B4GALNT3: variants seen among roughly 807,000 people sequenced by gnomAD.
B4GALNT3 encodes the protein beta-1,4-N-acetylgalactosaminyltransferase 3.
In B4GALNT3, 86 loss-of-function variants were observed where a neutral mutation model predicts 120.2. That is an observed-to-expected ratio of 0.72 (90% CI 0.60 to 0.86). The LOEUF (loss-of-function observed/expected upper bound fraction) is 0.86. Among genes scored for constraint, B4GALNT3 ranks in the 40% least tolerant of loss-of-function variants. The probability of loss-of-function intolerance (pLI) is 0.00; values close to 1 mark genes in which losing one functional copy is unlikely to be tolerated. For synonymous variants in B4GALNT3, 518 were observed against 510.4 expected (o/e 1.01, Z -0.20); for missense variants, 1,167 against 1,298.9 (o/e 0.90, Z 1.56).
At chr12:470,230 C>T (rs1333186513) in intron 1 of B4GALNT3, among the ~76,000 whole-genome samples, 1 of 152,238 alleles carries the variant, frequency 6.6e-6, no homozygotes, top group Non-Finnish European at 1.5e-5. Flanking sequence ...TGGCAGCTCT[C>T]CCAATAGTTC....
intron 1 of B4GALNT3, among the ~76,000 whole-genome samples, chr12:487,881 G>A (rs1428849341): frequency 6.6e-6 from 1 of 152,128 alleles, no homozygotes; most frequent in Admixed American, 6.5e-5. Flanking sequence ...AGCCCAGGAG[G>A]CTGAGGCTGC....
chr12:528,536 G>A (rs150295474), intron 1 of B4GALNT3, among the ~76,000 whole-genome samples: 11 of 152,228 alleles, frequency 7.2e-5, no homozygotes, highest in Non-Finnish European at 1.5e-4. Flanking sequence ...GTTCCCTGGC[G>A]CATCGTGTAC....
At chr12:554,597 TG>T (rs1565611478) in intron 14 of B4GALNT3, among the ~76,000 whole-genome samples, 29 of 150,860 alleles carry the variant, frequency 1.9e-4, no homozygotes, top group African/African-American at 6.8e-4. Flanking sequence ...GAGACCATCC[TG>T]GCTAACACGG....
intron 1 of B4GALNT3, among the ~76,000 whole-genome samples, chr12:514,399 G>A (rs944272914): frequency 1.8e-4 from 28 of 151,656 alleles, no homozygotes; most frequent in East Asian, 1.2e-3. Flanking sequence ...GGGTTTCACC[G>A]TGTTAGCCAG....
At chr12:514,302 AT>A (rs35835181) in intron 1 of B4GALNT3, among the ~76,000 whole-genome samples, 39,353 of 148,772 alleles carry the variant, frequency 0.26, 5,459 homozygotes, top group African/African-American at 0.31. Context: ...GGTTCACGCC[AT>A]TCTCCTGCCT....
intron 6 of B4GALNT3, among the ~76,000 whole-genome samples, chr12:545,737 G>A (rs1373751860): frequency 1.4e-5 from 2 of 139,332 alleles, no homozygotes; most frequent in Non-Finnish European, 3.1e-5. Flanking sequence ...GGGGAGGAGC[G>A]AGGAGTGGGG....
At chr12:510,545 C>T (rs554448399) in intron 1 of B4GALNT3, among the ~76,000 whole-genome samples, 3 of 124,928 alleles carry the variant, frequency 2.4e-5, no homozygotes, top group Middle Eastern at 3.7e-3. Flanking sequence ...GCTGTTTACC[C>T]GCCTCATGCC....
At chr12:466,692 C>T (rs1339842417) in intron 1 of B4GALNT3, among the ~76,000 whole-genome samples, 1 of 152,116 alleles carries the variant, frequency 6.6e-6, no homozygotes, top group East Asian at 1.9e-4. Flanking sequence ...ACAAGTGCTA[C>T]TTTGAATTTA....
intron 3 of B4GALNT3, chr12:543,231 G>A (rs1348116854): frequency 2.3e-6 from 3 of 1,280,412 alleles, no homozygotes; most frequent in Non-Finnish European, 3.1e-6. Context: ...GCTGGGTGCT[G>A]GGCTGGGAAT....
At chr12:494,974 G>T (rs1436604705) in intron 1 of B4GALNT3, among the ~76,000 whole-genome samples, 1 of 152,172 alleles carries the variant, frequency 6.6e-6, no homozygotes, top group Non-Finnish European at 1.5e-5. Context: ...TAAAAAGGAG[G>T]CCTGGAGTTC....
chr12:545,393 CA>C lies in B4GALNT3; in HGVS notation c.564del (p.Asp189MetfsTer8). On this transcript the variant is annotated frameshift_variant, in exon 6 of 20. Coordinates refer to ENST00000266383, the MANE Select transcript of B4GALNT3 (RefSeq NM_173593.4). LOFTEE classifies it high-confidence loss of function. Reference protein sequence around the residue: ...TDGKIQFAIAADDNAEFWLSL... With the variant: ...TDGKIQFAIAXDDNAEFWLSL... ...GGGAAAATCCAGTTTGCCATTGCTG[CA>C]GATGACAACGCGGAGTTCTGGCTGA... 1 of 1,611,934 alleles carries C rather than the reference CA, an allele frequency of 6.2e-7. No individual in the cohort carries two copies. The highest frequency in any genetic ancestry group is 8.5e-7 in the Non-Finnish European group (1 of 1,179,476).
chr12:523,757 C>G (rs1946734851), intron 1 of B4GALNT3, among the ~76,000 whole-genome samples: 1 of 152,182 alleles, frequency 6.6e-6, no homozygotes, highest in Admixed American at 6.5e-5. Flanking sequence ...TGTGAATCAA[C>G]TCCGATAGAA....
At chr12:546,881 C>T (rs2120704111) in intron 7 of B4GALNT3, 168 bp downstream of exon 7, 2 of 644,438 alleles carry the variant, frequency 3.1e-6, no homozygotes, top group East Asian at 2.8e-5. Flanking sequence ...CCCATCCGTC[C>T]TCGTTTCACA....
At chr12:508,772 C>T (rs573588934) in intron 1 of B4GALNT3, among the ~76,000 whole-genome samples, 27 of 152,282 alleles carry the variant, frequency 1.8e-4, no homozygotes, top group African/African-American at 6.5e-4. Context: ...GAGGACTGAC[C>T]CTCCCAGACT....
At chr12:555,270 A>G (rs1355944916) in intron 14 of B4GALNT3, 5 of 448,000 alleles carry the variant, frequency 1.1e-5, no homozygotes, top group African/African-American at 8.0e-5. Flanking sequence ...GTGTCTGGCA[A>G]TAACTACTTT....
chr12:512,214 A>C (rs1372073258), intron 1 of B4GALNT3, among the ~76,000 whole-genome samples: 3 of 56,154 alleles, frequency 5.3e-5, no homozygotes, highest in Non-Finnish European at 9.9e-5. Flanking sequence ...TCCACCTTCC[A>C]CCTTCCACCT....
chr12:527,635 C>T (rs937587840), intron 1 of B4GALNT3, among the ~76,000 whole-genome samples: 3 of 126,542 alleles, frequency 2.4e-5, no homozygotes, highest in South Asian at 2.6e-4. Context: ...TCTGCGGCTC[C>T]TCACTTGCCC....
At chr12:492,067 A>AAAAAAAG (rs1555152661) in intron 1 of B4GALNT3, among the ~76,000 whole-genome samples, 2 of 151,434 alleles carry the variant, frequency 1.3e-5, no homozygotes, top group African/African-American at 4.9e-5. Flanking sequence ...AAAAAAAAAA[A>AAAAAAAG]GAACAAGGCA....
chr12:469,473 G>C (rs1946114041), intron 1 of B4GALNT3, among the ~76,000 whole-genome samples: 1 of 152,124 alleles, frequency 6.6e-6, no homozygotes, highest in Non-Finnish European at 1.5e-5. Flanking sequence ...AAACTTCTCA[G>C]CCCATGACAC....
Sources: allele counts gnomAD v4.1 joint callset (sites outside exome capture counted in the v4.1 genomes callset), GRCh38; gene constraint gnomAD v4.1.1; transcripts MANE v1.5; gene names NCBI Gene and HGNC (gene_info 2026-07-23, HGNC 2026-07-21).